SHROOM3: variants seen among roughly 807,000 people sequenced by gnomAD.
The protein encoded by SHROOM3 is protein Shroom3.
SHROOM3 carries 47 observed loss-of-function variants against 138.6 expected under a neutral mutation model. The ratio of observed to expected loss-of-function variants is 0.34; its 90% confidence interval spans 0.27 to 0.43. SHROOM3 has a LOEUF of 0.43. Among genes scored for constraint, SHROOM3 ranks in the 20% least tolerant of loss-of-function variants. The probability of loss-of-function intolerance (pLI) is 1.00; values close to 1 mark genes in which losing one functional copy is unlikely to be tolerated. For synonymous variants in SHROOM3, 1,062 were observed against 1,063.3 expected, an observed-to-expected ratio of 1.00 and a Z score of 0.02; for missense variants, 2,491 against 2,596.5, an observed-to-expected ratio of 0.96 and a Z score of 0.88.
chr4:76,529,510 A>T (rs1341806861), intron 1 of SHROOM3, among the ~76,000 whole-genome samples: 1 of 151,982 alleles, frequency 6.6e-6, no homozygotes, highest in Non-Finnish European at 1.5e-5. Context: ...ATATTTTAGT[A>T]GACACGGGGT....
intron 2 of SHROOM3, among the ~76,000 whole-genome samples, chr4:76,610,594 C>G (rs1314363725): frequency 6.6e-6 from 1 of 152,194 alleles, no homozygotes. Flanking sequence ...TCTTGATACA[C>G]TCTTGTAGTG....
At position 76,755,154 on chromosome 4, in the gene SHROOM3, G is replaced by A. The variant is rs374194465; in HGVS notation, c.4671G>A (p.Ala1557=). The A allele has an allele frequency of 5.1e-5, 82 of 1,613,626 alleles. No individual in the cohort carries two copies. In the African/African-American group the frequency reaches 6.1e-4, roughly 12 times the overall value. Residue 1557 remains alanine (A), a synonymous_variant, in exon 7 of 11, where the codon GCG becomes GCA. Coordinates refer to ENST00000296043, the MANE Select transcript of SHROOM3 (RefSeq NM_020859.4). ...CTCCTCCCCACACTGTATGTGAGGC[G>A]CAGCTGGACAGTGAGGATCCCGAGG... is the stretch of plus-strand genomic sequence containing the variant. ...PPPPPHTVCE[A]QLDSEDPEGP...
intron 6 of SHROOM3, among the ~76,000 whole-genome samples, chr4:76,750,336 A>T (rs759267710): frequency 1.8e-4 from 28 of 152,352 alleles, no homozygotes; most frequent in Admixed American, 9.8e-4. Context: ...AAAGGTAAAA[A>T]AAAGAACAAG....
chr4:76,548,655 G>A (rs1443844357), intron 1 of SHROOM3, among the ~76,000 whole-genome samples: 2 of 152,324 alleles, frequency 1.3e-5, no homozygotes, highest in East Asian at 3.9e-4. Context: ...CAGGCACTAT[G>A]TTAGGTGCTA....
intron 2 of SHROOM3, among the ~76,000 whole-genome samples, chr4:76,582,536 AT>A (rs1416869082): frequency 2.0e-5 from 3 of 152,224 alleles, no homozygotes; most frequent in Non-Finnish European, 4.4e-5. Flanking sequence ...AATCAAGGCT[AT>A]TCATCTTGGT....
chr4:76,756,829 A>C lies in SHROOM3; in HGVS notation c.5090A>C (p.Asp1697Ala). 1 of 1,614,160 alleles carries C rather than the reference A, an allele frequency of 6.2e-7. No individual in the cohort carries two copies. Among genetic ancestry groups the C allele is most frequent in the Non-Finnish European group, 8.5e-7 (1 of 1,180,028 alleles). ...DPDSRLKTTM[D>A]LMEGLFPRDV... ...GACTCCAGGCTGAAGACAACAATGG[A>C]CCTGATGGAAGGTTTGTTTCCCCGA... The change falls in exon 8 of 11, where the codon GAC (aspartate) becomes GCC (alanine). Residue 1697 changes from aspartate to alanine, a missense_variant. Coordinates refer to ENST00000296043, the MANE Select transcript of SHROOM3 (RefSeq NM_020859.4).
chr4:76,455,868 T>C (rs2109972528), intron 1 of SHROOM3, among the ~76,000 whole-genome samples: 1 of 152,248 alleles, frequency 6.6e-6, no homozygotes, highest in East Asian at 1.9e-4. Context: ...GCAACTGTAG[T>C]TGTCCCTCAG....
intron 2 of SHROOM3, among the ~76,000 whole-genome samples, chr4:76,593,938 G>A (rs1021086108): frequency 2.0e-5 from 3 of 152,140 alleles, no homozygotes; most frequent in Admixed American, 6.5e-5. Context: ...CTGGCTGCCA[G>A]GTTGCTCGGT....
At chr4:76,459,102 TAGAATCCAGGA>T (rs1462771019) in intron 1 of SHROOM3, among the ~76,000 whole-genome samples, 22 of 152,262 alleles carry the variant, frequency 1.4e-4, no homozygotes, top group Admixed American at 7.2e-4. Flanking sequence ...GCTACCTCCA[TAGAATCCAGGA>T]AGAATAGGGA....
At chr4:76,514,092 C>T (rs1732396903) in intron 1 of SHROOM3, among the ~76,000 whole-genome samples, 1 of 152,160 alleles carries the variant, frequency 6.6e-6, no homozygotes, top group African/African-American at 2.4e-5. Context: ...TTCAGCCACT[C>T]TGGAAAACAG....
intron 1 of SHROOM3, among the ~76,000 whole-genome samples, chr4:76,447,028 C>T (rs1406480621): frequency 1.3e-5 from 2 of 152,168 alleles, no homozygotes; most frequent in Non-Finnish European, 2.9e-5. Flanking sequence ...TGGCACGATC[C>T]TGGGAACTTC....
intron 2 of SHROOM3, among the ~76,000 whole-genome samples, chr4:76,681,594 G>GGTGTGTGT (rs558707266): frequency 0.056 from 4,544 of 80,982 alleles, 253 homozygotes; most frequent in Middle Eastern, 0.11. Context: ...CAGAGTCTAG[G>GGTGTGTGT]GTGTGTGTGT....
chr4:76,450,955 ATT>A (rs148176073), intron 1 of SHROOM3, among the ~76,000 whole-genome samples: 47,294 of 148,556 alleles, frequency 0.32, 8,005 homozygotes, highest in East Asian at 0.64. Flanking sequence ...TTTAGTATTG[ATT>A]TTTTTTTTTT....
intron 3 of SHROOM3, 150 bp from the exon 4 acceptor site, chr4:76,730,654 T>C: frequency 1.1e-6 from 1 of 928,012 alleles, no homozygotes; most frequent in Non-Finnish European, 1.6e-6. Flanking sequence ...GAGAAATAAG[T>C]AGCAAAATCT....
At chr4:76,529,046 C>T (rs1282527710) in intron 1 of SHROOM3, among the ~76,000 whole-genome samples, 6 of 152,166 alleles carry the variant, frequency 3.9e-5, no homozygotes, top group Admixed American at 3.9e-4. Context: ...CTAAACTTGC[C>T]CCGGTCTATG....
intron 1 of SHROOM3, among the ~76,000 whole-genome samples, chr4:76,516,160 G>A (rs533180157): frequency 1.3e-5 from 2 of 152,240 alleles, no homozygotes; most frequent in South Asian, 4.2e-4. Context: ...ACCCACTATG[G>A]TTAGTGAATG....
chr4:76,714,070 AC>A (rs1327049392), intron 3 of SHROOM3, among the ~76,000 whole-genome samples: 1 of 152,216 alleles, frequency 6.6e-6, no homozygotes, highest in African/African-American at 2.4e-5. Context: ...TAAAAATAGT[AC>A]AGAGATTTCC....
intron 1 of SHROOM3, among the ~76,000 whole-genome samples, chr4:76,468,908 A>G (rs911542002): frequency 6.6e-6 from 1 of 151,788 alleles, no homozygotes; most frequent in African/African-American, 2.4e-5. Context: ...GTGGCAGGCG[A>G]CTGTAGTCCC....
intron 1 of SHROOM3, among the ~76,000 whole-genome samples, chr4:76,538,555 T>C (rs569175627): frequency 6.6e-6 from 1 of 152,258 alleles, no homozygotes; most frequent in South Asian, 2.1e-4. Flanking sequence ...TGCAGATGAC[T>C]ACAACAAGGA....
Sources: allele counts gnomAD v4.1 joint callset (sites outside exome capture counted in the v4.1 genomes callset), GRCh38; gene constraint gnomAD v4.1.1; transcripts MANE v1.5; gene names NCBI Gene and HGNC (gene_info 2026-07-23, HGNC 2026-07-21).